UBE2V1: variants seen among roughly 807,000 people sequenced by gnomAD.
UBE2V1 encodes the protein ubiquitin conjugating enzyme E2 V1, also known as ubiquitin-conjugating enzyme E2 variant 1.
UBE2V1 carries 15 observed loss-of-function variants against 19.6 expected under a neutral mutation model. That is an observed-to-expected ratio of 0.77 (90% confidence interval 0.51 to 1.18). The LOEUF (loss-of-function observed/expected upper bound fraction) is 1.18. Ranked by LOEUF, UBE2V1 falls within the 50% of genes most tolerant of loss-of-function variation. UBE2V1 has a pLI of 0.00. For synonymous variants in UBE2V1, 60 were observed against 60.7 expected, an observed-to-expected ratio of 0.99 and a Z score of 0.05; for missense variants, 125 against 184.8, an observed-to-expected ratio of 0.68 and a Z score of 1.88.
chr20:50,113,212 C>G, upstream of UBE2V1: 1 of 1,144,918 alleles, frequency 8.7e-7, no homozygotes, highest in Non-Finnish European at 1.1e-6. Flanking sequence ...GGCGCGCGCG[C>G]ACGCACATAC....
chr20:50,115,843 T>G (rs2080990558), upstream of UBE2V1: 1 of 326,002 alleles, frequency 3.1e-6, no homozygotes, highest in Non-Finnish European at 5.5e-6. Flanking sequence ...TTATCTATGG[T>G]GCCCGTAAAT....
chr20:50,084,099 G>A, intron 3 of UBE2V1, 30 bp downstream of exon 3: 1 of 1,543,126 alleles, frequency 6.5e-7, no homozygotes, highest in Non-Finnish European at 8.7e-7. Context: ...TCAACTCCAA[G>A]GAACAAGTGG....
At position 50,081,783 on chromosome 20, in the gene UBE2V1, G is replaced by A; in HGVS notation, c.*985C>T. ...AGTTCAACCACCAAGGACTCCGAGA[G>A]CTGGCAGGTCTGAGTAACCCTGGTG... On this transcript the variant is annotated 3_prime_UTR_variant, in exon 4 of 4. Transcript: ENST00000371674. 4.1e-6 allele frequency: 1 copy of A among 246,708 alleles called. No individual in the cohort carries two copies. Among genetic ancestry groups the A allele is most frequent in the Non-Finnish European group, 7.7e-6 (1 of 129,318 alleles). 15.3% of individuals were successfully genotyped at this position (246,708 alleles called of 1,614,324 possible).
chr20:50,105,277 A>G (rs981825167), intron 1 of UBE2V1, among the ~76,000 whole-genome samples: 1 of 152,212 alleles, frequency 6.6e-6, no homozygotes, highest in Non-Finnish European at 1.5e-5. Flanking sequence ...ATCACACCCT[A>G]GTTATAGAAT....
intron 1 of UBE2V1, among the ~76,000 whole-genome samples, chr20:50,103,653 G>A (rs574578651): frequency 2.8e-4 from 43 of 151,964 alleles, no homozygotes; most frequent in Admixed American, 6.6e-4. Context: ...TGATCTGCCC[G>A]CCTTGGCCTC....
intron 2 of UBE2V1, chr20:50,095,163 G>T (rs536011393): frequency 1.3e-5 from 2 of 152,254 alleles, no homozygotes; most frequent in South Asian, 4.1e-4. Flanking sequence ...AATCTACTGA[G>T]TACCCCATTC....
At chr20:50,093,991 A>T (rs6125892) in intron 2 of UBE2V1, among the ~76,000 whole-genome samples, 10,757 of 86,870 alleles carry the variant, frequency 0.12, 450 homozygotes, top group African/African-American at 0.26. Context: ...CCAACTCAAA[A>T]AAAAAAAAAA....
At chr20:50,096,980 C>A (rs1038272231) in intron 1 of UBE2V1, among the ~76,000 whole-genome samples, 160 bp from the exon 2 acceptor site, 1 of 152,178 alleles carries the variant, frequency 6.6e-6, no homozygotes, top group African/African-American at 2.4e-5. Context: ...ATAAAGCTAT[C>A]AGTATCAACC....
chr20:50,101,554 G>A (rs548570033), intron 1 of UBE2V1, among the ~76,000 whole-genome samples: 5 of 104,280 alleles, frequency 4.8e-5, no homozygotes, highest in South Asian at 3.3e-4. Context: ...TATAGAACTG[G>A]ACTTCACATT....
At chr20:50,093,779 CAGG>C (rs1304681903) in intron 2 of UBE2V1, among the ~76,000 whole-genome samples, 4 of 151,552 alleles carry the variant, frequency 2.6e-5, no homozygotes, top group African/African-American at 9.7e-5. Context: ...ATCATGAGGT[CAGG>C]AGTTCAAGAC....
At chr20:50,113,755 AC>A (rs2080918341), upstream of UBE2V1, among the ~76,000 whole-genome samples, 1 of 151,586 alleles carries the variant, frequency 6.6e-6, no homozygotes, top group South Asian at 2.1e-4. Flanking sequence ...GCATTTGCTA[AC>A]CATCTACCCA....
At chr20:50,108,688 C>T (rs1057419120) in intron 1 of UBE2V1, among the ~76,000 whole-genome samples, 2 of 152,190 alleles carry the variant, frequency 1.3e-5, no homozygotes, top group African/African-American at 4.8e-5. Context: ...AGTCTGATGG[C>T]TTGCATGTAA....
chr20:50,084,765 G>A, intron 2 of UBE2V1: 2 of 358,784 alleles, frequency 5.6e-6, no homozygotes, highest in Non-Finnish European at 1.1e-5. Context: ...TCCGGGGTTA[G>A]GCACTGGGTA....
intron 2 of UBE2V1, among the ~76,000 whole-genome samples, chr20:50,094,010 A>AAAAAAT (rs2079416552): frequency 5.3e-4 from 50 of 94,640 alleles, no homozygotes; most frequent in Non-Finnish European, 6.8e-4. Context: ...AAAAAAAAAA[A>AAAAAAT]AATAATAATA....
chr20:50,091,510 T>A (rs1183337169), intron 2 of UBE2V1, among the ~76,000 whole-genome samples: 1 of 149,746 alleles, frequency 6.7e-6, no homozygotes, highest in African/African-American at 2.5e-5. Flanking sequence ...CAAGTGATTC[T>A]CCTGCCTCAG....
At chr20:50,094,231 A>ATT in intron 2 of UBE2V1, among the ~76,000 whole-genome samples, 1 of 138,972 alleles carries the variant, frequency 7.2e-6, no homozygotes, top group African/African-American at 2.6e-5. Context: ...TGCATTATAT[A>ATT]ATATATAATG....
upstream of UBE2V1, among the ~76,000 whole-genome samples, chr20:50,113,349 C>T (rs531896338): frequency 6.6e-6 from 1 of 152,294 alleles, no homozygotes; most frequent in East Asian, 1.9e-4. Context: ...CCCCACACAT[C>T]GGGTGCGAGG....
chr20:50,106,035 C>T (rs1045008622), intron 1 of UBE2V1, among the ~76,000 whole-genome samples: 1 of 151,914 alleles, frequency 6.6e-6, no homozygotes, highest in African/African-American at 2.4e-5. Flanking sequence ...AGGAAGTACA[C>T]TAGGAAAATC....
At chr20:50,113,171 C>CG, upstream of UBE2V1, 4 of 1,267,786 alleles carry the variant, frequency 3.2e-6, no homozygotes, top group Non-Finnish European at 4.0e-6. Context: ...TCTTCACCCC[C>CG]CCCTTACCCG....
Sources: gnomAD v4.1 joint callset for allele counts (sites outside exome capture counted in the v4.1 genomes callset) on GRCh38, gnomAD v4.1.1 for gene constraint, MANE v1.5 for transcripts, NCBI Gene and HGNC (gene_info 2026-07-23, HGNC 2026-07-21) for gene names.